Variants in ASIC2 observed in about 807,000 individuals in gnomAD.
ASIC2 encodes acid-sensing ion channel 2.
In ASIC2, 25 loss-of-function variants were observed where a neutral mutation model predicts 57.3. That is an observed-to-expected ratio of 0.44 (90% CI 0.32 to 0.61). ASIC2 has a LOEUF of 0.61. ASIC2 is among the 20% of genes least tolerant of loss of function. The pLI, the probability that ASIC2 is intolerant of heterozygous loss-of-function variation, is 0.06. For missense variants in ASIC2, 641 were observed against 738.1 expected, an observed-to-expected ratio of 0.87 and a Z score of 1.52; for synonymous variants, 319 against 307.5, an observed-to-expected ratio of 1.04 and a Z score of -0.39.
At chr17:33,691,608 G>A (rs1292290785) in intron 1 of ASIC2, among the ~76,000 whole-genome samples, 1 of 152,108 alleles carries the variant, frequency 6.6e-6, no homozygotes, top group Non-Finnish European at 1.5e-5. Flanking sequence ...ATACATTAAA[G>A]TGATTGTGCC....
intron 1 of ASIC2, among the ~76,000 whole-genome samples, chr17:33,951,225 C>T (rs1904552129): frequency 1.3e-5 from 2 of 152,160 alleles, no homozygotes; most frequent in African/African-American, 4.8e-5. Context: ...TTTACAAATA[C>T]TAACTCCTTC....
rs181748109 is a variant in ASIC2 at position 33,319,671 on chromosome 17, C to A, written c.556-207604G>T. Among the ~76,000 whole-genome samples the A allele has an allele frequency of 2.2e-3, 335 of 152,226 alleles. 2 individuals are homozygous for A. The highest frequency in any genetic ancestry group is 6.3e-4 in the Non-Finnish European group (43 of 68,012). On this transcript the variant is annotated intron_variant, in intron 1 of 9. Transcript: ENST00000359872. ...ATAAACAATCCAGAAGTAGCTTGGA[C>A]TACAGGTGCACACCACCACACCTAG... is the stretch of plus-strand genomic sequence containing the variant.
chr17:33,986,554 T>C (rs1905825231), intron 1 of ASIC2, among the ~76,000 whole-genome samples: 1 of 152,148 alleles, frequency 6.6e-6, no homozygotes, highest in South Asian at 2.1e-4. Flanking sequence ...ATGAATTCCA[T>C]AAGTTTATTA....
At chr17:33,824,762 C>G (rs1466555735) in intron 1 of ASIC2, among the ~76,000 whole-genome samples, 8 of 69,218 alleles carry the variant, frequency 1.2e-4, no homozygotes, top group African/African-American at 5.2e-4. Flanking sequence ...TTCCCCTGCA[C>G]AAGCTGTCTT....
intron 1 of ASIC2, among the ~76,000 whole-genome samples, chr17:33,939,121 C>T (rs1916130953): frequency 6.6e-6 from 1 of 152,240 alleles, no homozygotes; most frequent in African/African-American, 2.4e-5. Context: ...ACTGCCCAGA[C>T]ATGGGATGGG....
At chr17:33,437,966 C>G (rs548217562) in intron 1 of ASIC2, among the ~76,000 whole-genome samples, 1 of 152,188 alleles carries the variant, frequency 6.6e-6, no homozygotes, top group African/African-American at 2.4e-5. Context: ...ATTAGGCAAC[C>G]AAGAAAGAGC....
chr17:33,865,725 G>A (rs1914215054), intron 1 of ASIC2, among the ~76,000 whole-genome samples: 1 of 137,888 alleles, frequency 7.3e-6, no homozygotes, highest in African/African-American at 2.7e-5. Flanking sequence ...ATGTGCACAT[G>A]TACCCTAAAA....
chr17:33,244,750 C>A (rs1381026599), intron 1 of ASIC2, among the ~76,000 whole-genome samples: 1 of 152,214 alleles, frequency 6.6e-6, no homozygotes, highest in Non-Finnish European at 1.5e-5. Flanking sequence ...GCATTGAGGA[C>A]AAGGCGTGGT....
intron 1 of ASIC2, among the ~76,000 whole-genome samples, chr17:34,134,130 G>T (rs188824696): frequency 1.3e-5 from 2 of 152,312 alleles, no homozygotes; most frequent in East Asian, 1.9e-4. Flanking sequence ...TATCTGTAAT[G>T]GTTAATGCCC....
chr17:33,191,093 A>G (rs1354321598), intron 1 of ASIC2, among the ~76,000 whole-genome samples: 1 of 152,182 alleles, frequency 6.6e-6, no homozygotes, highest in Non-Finnish European at 1.5e-5. Context: ...TCAACAGCCT[A>G]AAAGATTTTT....
intron 1 of ASIC2, among the ~76,000 whole-genome samples, chr17:33,470,219 C>T (rs560708322): frequency 2.0e-5 from 3 of 152,078 alleles, no homozygotes; most frequent in African/African-American, 4.8e-5. Context: ...AAACTGTGGG[C>T]GTGGGTCTTA....
At chr17:33,644,891 A>G (rs1352958679) in intron 1 of ASIC2, among the ~76,000 whole-genome samples, 2 of 152,190 alleles carry the variant, frequency 1.3e-5, no homozygotes, top group African/African-American at 4.8e-5. Flanking sequence ...TTAGCTCAGT[A>G]TGTAGGAAGG....
At chr17:33,123,940 G>A (rs74788877) in intron 1 of ASIC2, among the ~76,000 whole-genome samples, 23,039 of 152,256 alleles carry the variant, frequency 0.15, 2,187 homozygotes, top group Non-Finnish European at 0.21. Context: ...CTACAGGGCT[G>A]CATTGAAAGC....
chr17:33,707,320 CA>C, intron 1 of ASIC2, among the ~76,000 whole-genome samples: 1 of 152,244 alleles, frequency 6.6e-6, no homozygotes, highest in Non-Finnish European at 1.5e-5. Flanking sequence ...ATAATTTTCT[CA>C]ATTCTAATTT....
chr17:33,453,015 C>CGAATG (rs1912317437), intron 1 of ASIC2, among the ~76,000 whole-genome samples: 1 of 152,160 alleles, frequency 6.6e-6, no homozygotes, highest in Admixed American at 6.5e-5. Context: ...AGATTCCTTT[C>CGAATG]GAATGAATGT....
At chr17:33,999,470 T>C (rs1906267087) in intron 1 of ASIC2, among the ~76,000 whole-genome samples, 1 of 152,174 alleles carries the variant, frequency 6.6e-6, no homozygotes, top group African/African-American at 2.4e-5. Context: ...TCTTTCATGA[T>C]TTGATAATTT....
intron 1 of ASIC2, among the ~76,000 whole-genome samples, chr17:33,669,257 T>C (rs558823367): frequency 4.6e-5 from 7 of 152,288 alleles, no homozygotes; most frequent in Admixed American, 2.0e-4. Context: ...CATCGTTTCA[T>C]TGGAACAAAG....
At chr17:33,336,276 T>C (rs1040448454) in intron 1 of ASIC2, among the ~76,000 whole-genome samples, 27 of 152,164 alleles carry the variant, frequency 1.8e-4, no homozygotes, top group Admixed American at 1.6e-3. Flanking sequence ...GAAGGGGCAG[T>C]GTCAAGCCAC....
intron 3 of ASIC2, among the ~76,000 whole-genome samples, chr17:33,055,721 G>A (rs1050488581): frequency 6.6e-6 from 1 of 151,960 alleles, no homozygotes; most frequent in Admixed American, 6.6e-5. Flanking sequence ...CAGGAAATTC[G>A]CAAGTTAAAT....
Sources: allele counts gnomAD v4.1 joint callset (sites outside exome capture counted in the v4.1 genomes callset), GRCh38; gene constraint gnomAD v4.1.1; transcripts MANE v1.5; gene names NCBI Gene and HGNC (gene_info 2026-07-23, HGNC 2026-07-21).